Variants in CD38 observed in about 807,000 individuals in gnomAD.
CD38 encodes CD38 molecule, also known as ADP-ribosyl cyclase/cyclic ADP-ribose hydrolase 1.
In CD38, 31 loss-of-function variants were observed where a neutral mutation model predicts 36.3. The observed-to-expected ratio is 0.85, with a 90% CI of 0.64 to 1.15. The LOEUF (loss-of-function observed/expected upper bound fraction) is 1.15. Among genes scored for constraint, CD38 ranks in the 50% most tolerant of loss-of-function variants. The pLI, the probability that CD38 is intolerant of heterozygous loss-of-function variation, is 0.00. For synonymous variants in CD38, 131 were observed against 135.2 expected (o/e 0.97, Z 0.22); for missense variants, 380 against 371.9 (o/e 1.02, Z -0.18).
At chr4:15,829,927 C>CT (rs1367217089) in intron 3 of CD38, among the ~76,000 whole-genome samples, 1 of 152,150 alleles carries the variant, frequency 6.6e-6, no homozygotes, top group African/African-American at 2.4e-5. Context: ...GGAACACATT[C>CT]TTTTTTGTGG....
chr4:15,791,057 G>A (rs1560307574), intron 1 of CD38, among the ~76,000 whole-genome samples: 1 of 129,352 alleles, frequency 7.7e-6, no homozygotes, highest in Non-Finnish European at 1.6e-5. Flanking sequence ...GGGGGGGTCA[G>A]CCCCCCGCCC....
chr4:15,792,458 G>GAAAAAAAAAAA (rs1249314137), intron 1 of CD38, among the ~76,000 whole-genome samples: 1 of 129,192 alleles, frequency 7.7e-6, no homozygotes, highest in African/African-American at 3.2e-5. Context: ...AATGAATCAA[G>GAAAAAAAAAAA]AAAAAAAAAG....
intron 1 of CD38, among the ~76,000 whole-genome samples, chr4:15,800,987 T>C (rs1013030359): frequency 2.0e-5 from 3 of 151,760 alleles, no homozygotes; most frequent in African/African-American, 7.3e-5. Flanking sequence ...GTTGGAAAAG[T>C]AATACAAAAG....
intron 1 of CD38, among the ~76,000 whole-genome samples, chr4:15,796,788 A>T (rs1280180596): frequency 6.6e-6 from 1 of 152,040 alleles, no homozygotes; most frequent in Non-Finnish European, 1.5e-5. Context: ...TCATTCTACA[A>T]TGTATCTTGA....
Position 15,838,187 on chromosome 4 carries a change from T to G in CD38, c.659+22T>G, listed in dbSNP as rs776644065. On this transcript the variant is annotated intron_variant, in intron 5 of 7. Coordinates refer to ENST00000226279, the MANE Select transcript of CD38 (RefSeq NM_001775.4). ...ACAGGTACACATTTATTTTGCATCC[T>G]GTTTGCAAGTATCCTGTTGCAAATA... 2.0e-6 allele frequency: 3 copies of G among 1,528,686 alleles called. No individual in the cohort carries two copies. In the Admixed American group the frequency reaches 5.0e-5, roughly 26 times the overall value. 94.7% of individuals were successfully genotyped at this position (1,528,686 alleles called of 1,614,324 possible).
chr4:15,808,615 A>G (rs1378556938), intron 1 of CD38, among the ~76,000 whole-genome samples: 1 of 152,232 alleles, frequency 6.6e-6, no homozygotes, highest in Non-Finnish European at 1.5e-5. Context: ...TACAACATGG[A>G]TTGATCAGTG....
In CD38 at chr4:15,834,253, A is replaced by G. The variant is rs201816957; in HGVS notation, c.536A>G (p.Asp179Gly). 6.1e-5 allele frequency: 99 copies of G among 1,612,952 alleles called. No homozygotes were observed. Among genetic ancestry groups the G allele is most frequent in the Non-Finnish European group, 8.1e-5 (96 of 1,178,976 alleles). ...NYQSCPDWRK[D>G]CSNNPVSVFW... is the part of the protein sequence containing the mutation. ...CAATCTTGCCCAGACTGGAGAAAGG[A>G]CTGCAGCAACAACCCTGTTTCAGTA... The change falls in exon 4 of 8, where the codon GAC (aspartate) becomes GGC (glycine). Residue 179 changes from aspartate (D) to glycine (G), a missense_variant. Asp to Gly is a moderately conservative substitution (Grantham distance 94). Transcript: ENST00000226279.
rs1724175445 is a variant in CD38, at chr4:15,840,337, C to G, written c.753-115C>G. On this transcript the variant is annotated intron_variant, in intron 6 of 7. Transcript: ENST00000226279. ...ACCCAGGAGCTCTTAGAGGATTTAC[C>G]TCTACTTTACCTCTTTATCCAAGGG... 7 of 769,438 alleles carry G rather than the reference C, an allele frequency of 9.1e-6. No individual in the cohort carries two copies. The Admixed American group carries it at 1.6e-4, about 18-fold the overall frequency. The allele number at this position is 769,438 out of a possible 1,614,324, so 47.7% of individuals were successfully genotyped here.
chr4:15,797,696 T>A (rs556104330), intron 1 of CD38, among the ~76,000 whole-genome samples: 2 of 152,294 alleles, frequency 1.3e-5, no homozygotes, highest in Admixed American at 6.5e-5. Flanking sequence ...AGAATCTGCT[T>A]CGTGCCCTCT....
At chr4:15,830,139 C>T (rs1436573789) in intron 3 of CD38, among the ~76,000 whole-genome samples, 1 of 152,192 alleles carries the variant, frequency 6.6e-6, no homozygotes, top group East Asian at 1.9e-4. Context: ...TATAATAGCT[C>T]TATTTTTATT....
rs1724312677 is a variant in CD38, at chr4:15,848,475, AG to A, written c.840-63del. 4.8e-6 allele frequency: 6 copies of A among 1,247,654 alleles called. No individual in the cohort carries two copies. The South Asian group carries it at 7.4e-5, about 15-fold the overall frequency. The allele number at this position is 1,247,654 out of a possible 1,614,324, so 77.3% of individuals were successfully genotyped here. A position where few individuals can be genotyped will look rare whatever the true frequency, so the allele number is the denominator to read the frequency against. On this transcript the variant is annotated intron_variant, in intron 7 of 7. Transcript: ENST00000226279. ...CGCTAAAAAAGGGGCTTCCTCCATT[AG>A]CGAATTGGACGACAGATGTATCCTA...
intron 1 of CD38, among the ~76,000 whole-genome samples, chr4:15,787,473 G>C (rs983666747): frequency 6.6e-6 from 1 of 152,196 alleles, no homozygotes; most frequent in Non-Finnish European, 1.5e-5. Context: ...AGCCCTCTTG[G>C]GCACAGGGAT....
chr4:15,822,300 T>C (rs1481293800), intron 2 of CD38, among the ~76,000 whole-genome samples: 2 of 152,152 alleles, frequency 1.3e-5, no homozygotes, highest in Non-Finnish European at 2.9e-5. Flanking sequence ...GGATGTCCTC[T>C]CTCACCACTC....
In CD38 at chr4:15,851,382, A is replaced by G. The variant is rs1399373490; in HGVS notation, c.*2780A>G. The G allele has an allele frequency of 6.6e-6, 1 of 152,148 alleles. No homozygotes were observed. The highest frequency in any genetic ancestry group is 2.1e-4 in the South Asian group (1 of 4,830). 9.4% of individuals were successfully genotyped at this position (152,148 alleles called of 1,614,324 possible). ...CACCTCATATTTTACTCGTAAATCTACTACTCCCTGTCTGCCTACTCCATT... is the reference window on the plus strand; with the variant it reads ...CACCTCATATTTTACTCGTAAATCTGCTACTCCCTGTCTGCCTACTCCATT... On this transcript the variant is annotated 3_prime_UTR_variant, in exon 8 of 8. Coordinates refer to ENST00000226279, the MANE Select transcript of CD38 (RefSeq NM_001775.4).
rs142491911 is a variant in CD38 at position 15,831,051 on chromosome 4, T to C, written c.500-3166T>C. Among the ~76,000 whole-genome samples the C allele has an allele frequency of 5.5e-4, 84 of 152,260 alleles. 1 individual carries two copies. Among genetic ancestry groups the C allele is most frequent in the Admixed American group, 4.6e-4 (7 of 15,284 alleles). ...CTGTTATATGTTTTTGAGTTTGAAG[T>C]TACCATGAGGCTTAAAAATAGTATC... On this transcript the variant is annotated intron_variant, in intron 3 of 7. Transcript: ENST00000226279.
chr4:15,791,850 G>A (rs1398025224), intron 1 of CD38, among the ~76,000 whole-genome samples: 2 of 92,406 alleles, frequency 2.2e-5, no homozygotes, highest in Non-Finnish European at 3.9e-5. Flanking sequence ...GGAGGTGAGG[G>A]GCGCCTCTGC....
chr4:15,801,287 T>G (rs1397614016), intron 1 of CD38, among the ~76,000 whole-genome samples: 7 of 151,838 alleles, frequency 4.6e-5, no homozygotes. Flanking sequence ...TAATTTTTAT[T>G]AAACAACAAT....
At chr4:15,801,944 A>C (rs1392326231) in intron 1 of CD38, among the ~76,000 whole-genome samples, 3 of 152,208 alleles carry the variant, frequency 2.0e-5, no homozygotes, top group African/African-American at 7.2e-5. Flanking sequence ...AGTTCTAGCC[A>C]GAGCAATTAG....
At chr4:15,792,669 CAG>C (rs1723030354) in intron 1 of CD38, among the ~76,000 whole-genome samples, 1 of 151,998 alleles carries the variant, frequency 6.6e-6, no homozygotes, top group African/African-American at 2.4e-5. Flanking sequence ...AAGCGAATTC[CAG>C]AGTTTGTATA....
Sources: allele counts gnomAD v4.1 joint callset (sites outside exome capture counted in the v4.1 genomes callset), GRCh38; gene constraint gnomAD v4.1.1; transcripts MANE v1.5; gene names NCBI Gene and HGNC (gene_info 2026-07-23, HGNC 2026-07-21).